FRMD4A: variants seen among roughly 807,000 people sequenced by gnomAD.
FRMD4A encodes the protein FERM domain-containing protein 4A.
In FRMD4A, 29 loss-of-function variants were observed where a neutral mutation model predicts 129.1. The observed-to-expected ratio is 0.22, with a 90% CI of 0.17 to 0.31. FRMD4A has a LOEUF of 0.31. Ranked by LOEUF, FRMD4A falls within the 10% of genes least tolerant of loss-of-function variation. The pLI, the probability that FRMD4A is intolerant of heterozygous loss-of-function variation, is 1.00. For synonymous variants in FRMD4A, 634 were observed against 571.6 expected, an observed-to-expected ratio of 1.11 and a Z score of -1.56; for missense variants, 1,272 against 1,375.8, an observed-to-expected ratio of 0.92 and a Z score of 1.19.
At chr10:14,310,012 C>T (rs1234557666) in intron 2 of FRMD4A, among the ~76,000 whole-genome samples, 2 of 151,990 alleles carry the variant, frequency 1.3e-5, no homozygotes, top group African/African-American at 2.4e-5. Flanking sequence ...CCTTCGCCCT[C>T]GTGCATCTCA....
intron 2 of FRMD4A, among the ~76,000 whole-genome samples, chr10:13,955,836 C>T (rs1323502086): frequency 1.3e-5 from 2 of 152,190 alleles, no homozygotes; most frequent in South Asian, 4.1e-4. Context: ...TGTGAGTAGT[C>T]AATGCTGAGA....
chr10:13,737,157 C>T (rs9633781), intron 12 of FRMD4A, among the ~76,000 whole-genome samples: 59,317 of 152,014 alleles, frequency 0.39, 12,045 homozygotes, highest in African/African-American at 0.49. Context: ...CAGGGCAATC[C>T]TGGCTCACTG....
chr10:13,888,327 C>T (rs1166744686), intron 2 of FRMD4A, among the ~76,000 whole-genome samples: 2 of 152,292 alleles, frequency 1.3e-5, no homozygotes, highest in East Asian at 3.9e-4. Context: ...GCAATGATCC[C>T]TTTTCTTCCT....
intron 3 of FRMD4A, among the ~76,000 whole-genome samples, chr10:13,833,280 A>G (rs534803898): frequency 1.3e-5 from 2 of 152,320 alleles, no homozygotes; most frequent in South Asian, 4.1e-4. Context: ...GAAGTCTTAC[A>G]TGGTGGCAGG....
chr10:13,678,608 G>GCACGCA (rs1272631833), intron 15 of FRMD4A, among the ~76,000 whole-genome samples: 2 of 152,218 alleles, frequency 1.3e-5, no homozygotes, highest in African/African-American at 4.8e-5. Context: ...GTGCGCACGC[G>GCACGCA]CACGCACACA....
chr10:14,031,744 T>G (rs1459442566), intron 2 of FRMD4A, among the ~76,000 whole-genome samples: 1 of 151,802 alleles, frequency 6.6e-6, no homozygotes, highest in Non-Finnish European at 1.5e-5. Context: ...CCATTGCATG[T>G]TCTGCACTTT....
At chr10:14,206,820 A>AAAAAAAAAGAG (rs1429238276) in intron 2 of FRMD4A, among the ~76,000 whole-genome samples, 20 of 127,490 alleles carry the variant, frequency 1.6e-4, no homozygotes, top group Non-Finnish European at 2.8e-4. Flanking sequence ...AAAAAAAAAA[A>AAAAAAAAAGAG]AGAGAGACAG....
chr10:14,229,102 GT>G lies in FRMD4A; in HGVS notation c.45+100955del, dbSNP rs564118270. On this transcript the variant is annotated intron_variant, in intron 2 of 24. Transcript: ENST00000357447. ...GTTTTTTCTTGTTTTTTTTTTGTTT[GT>G]TTTTTGTTTTTTTTTAAGATGCTAA... 4.1e-3 allele frequency among the ~76,000 whole-genome samples: 622 copies of G among 150,740 alleles called. 1 individual carries two copies. Among genetic ancestry groups the G allele is most frequent in the Non-Finnish European group, 7.2e-3 (486 of 67,602 alleles).
intron 2 of FRMD4A, among the ~76,000 whole-genome samples, chr10:13,945,404 C>T (rs901102505): frequency 3.3e-5 from 5 of 151,894 alleles, no homozygotes; most frequent in African/African-American, 7.3e-5. Context: ...TATGACAGAC[C>T]GGGGAAAGGG....
intron 2 of FRMD4A, among the ~76,000 whole-genome samples, chr10:13,868,424 G>T (rs1226162576): frequency 1.3e-5 from 2 of 152,176 alleles, no homozygotes; most frequent in Admixed American, 1.3e-4. Flanking sequence ...ATTCAGAGAG[G>T]ATGACCTTGT....
chr10:14,080,656 G>C (rs148252264), intron 2 of FRMD4A, among the ~76,000 whole-genome samples: 66 of 152,110 alleles, frequency 4.3e-4, no homozygotes, highest in African/African-American at 1.6e-3. Flanking sequence ...AAGCCACTAA[G>C]CCAGCCCTAC....
rs145302920 is a variant in FRMD4A at position 14,154,664 on chromosome 10, T to G, written c.45+175394A>C. 7.7e-3 allele frequency among the ~76,000 whole-genome samples: 1,170 copies of G among 152,358 alleles called. 10 individuals are homozygous for G. Among genetic ancestry groups the G allele is most frequent in the Non-Finnish European group, 0.013 (900 of 68,028 alleles). On this transcript the variant is annotated intron_variant, in intron 2 of 24. Transcript: ENST00000357447. ...TACCCTGATATTGATATTTTTTGGC[T>G]GAAATGAAATTGCAGTTTTTAGCAT...
intron 12 of FRMD4A, among the ~76,000 whole-genome samples, chr10:13,731,166 A>G (rs2090299844): frequency 6.6e-6 from 1 of 152,166 alleles, no homozygotes; most frequent in Non-Finnish European, 1.5e-5. Context: ...AACCGTAGCC[A>G]TGACAAAGGA....
intron 15 of FRMD4A, among the ~76,000 whole-genome samples, chr10:13,690,425 G>C (rs1191686874): frequency 4.6e-5 from 7 of 152,228 alleles, no homozygotes; most frequent in African/African-American, 1.7e-4. Flanking sequence ...CAGCGGGAGG[G>C]AGAACAAGAT....
chr10:14,013,001 G>T (rs1002795871), intron 2 of FRMD4A, among the ~76,000 whole-genome samples: 2 of 152,136 alleles, frequency 1.3e-5, no homozygotes, highest in Admixed American at 1.3e-4. Flanking sequence ...CTGTATAATA[G>T]ATGCTGTCGT....
chr10:13,668,873 C>T (rs763693115), intron 17 of FRMD4A, among the ~76,000 whole-genome samples: 7 of 152,092 alleles, frequency 4.6e-5, no homozygotes, highest in Admixed American at 2.0e-4. Flanking sequence ...TTCCTGCCTA[C>T]GGTGTGGCAC....
At chr10:14,023,694 G>A (rs1486136171) in intron 2 of FRMD4A, among the ~76,000 whole-genome samples, 1 of 152,214 alleles carries the variant, frequency 6.6e-6, no homozygotes, top group Non-Finnish European at 1.5e-5. Flanking sequence ...AGATAGAAAT[G>A]ATGTGAAGGT....
chr10:13,795,311 C>A (rs536898695), intron 5 of FRMD4A, among the ~76,000 whole-genome samples: 1 of 152,318 alleles, frequency 6.6e-6, no homozygotes, highest in Admixed American at 6.5e-5. Flanking sequence ...TCATCCCCAT[C>A]AGTAATGGAA....
intron 2 of FRMD4A, among the ~76,000 whole-genome samples, chr10:13,950,724 C>T (rs573663691): frequency 1.3e-4 from 20 of 152,304 alleles, no homozygotes; most frequent in African/African-American, 3.9e-4. Context: ...TTTGCACGCC[C>T]GCTTCCCTTT....
Sources: allele counts gnomAD v4.1 joint callset (sites outside exome capture counted in the v4.1 genomes callset), GRCh38; gene constraint gnomAD v4.1.1; transcripts MANE v1.5; gene names NCBI Gene and HGNC (gene_info 2026-07-23, HGNC 2026-07-21).